CCDC148: variants seen among roughly 807,000 people sequenced by gnomAD.
CCDC148 encodes the protein coiled-coil domain containing 148, also known as coiled-coil domain-containing protein 148.
A neutral mutation model predicts 85.7 loss-of-function variants in CCDC148; 89 were observed. That is an observed-to-expected ratio of 1.04 (90% CI 0.87 to 1.24). CCDC148 has a LOEUF of 1.24. Among genes scored for constraint, CCDC148 ranks in the 50% most tolerant of loss-of-function variants. The pLI, the probability that CCDC148 is intolerant of heterozygous loss-of-function variation, is 0.00. For synonymous variants in CCDC148, 230 were observed against 213.9 expected, an observed-to-expected ratio of 1.08 and a Z score of -0.66; for missense variants, 692 against 671.7, an observed-to-expected ratio of 1.03 and a Z score of -0.33.
At chr2:158,321,434 C>T (rs1195912259) in intron 7 of CCDC148, among the ~76,000 whole-genome samples, 1 of 152,116 alleles carries the variant, frequency 6.6e-6, no homozygotes. Flanking sequence ...GGGAACTTCT[C>T]TCCTTATTAA....
At chr2:158,433,907 C>T (rs1046328344) in intron 1 of CCDC148, among the ~76,000 whole-genome samples, 8 of 152,206 alleles carry the variant, frequency 5.3e-5, no homozygotes, top group African/African-American at 9.6e-5. Flanking sequence ...AACCGCAAGG[C>T]GGCAGCGAGG....
chr2:158,302,270 G>A (rs986902862), intron 9 of CCDC148, among the ~76,000 whole-genome samples: 2 of 152,150 alleles, frequency 1.3e-5, no homozygotes, highest in Non-Finnish European at 2.9e-5. Flanking sequence ...TAAAGTAGGA[G>A]GTGGCTTGTC....
At chr2:158,376,419 CT>C (rs1684652570) in intron 1 of CCDC148, among the ~76,000 whole-genome samples, 1 of 151,950 alleles carries the variant, frequency 6.6e-6, no homozygotes, top group Admixed American at 6.6e-5. Context: ...AGTAATTTTC[CT>C]CTAAAATGTT....
chr2:158,363,867 T>C (rs1222755818), intron 1 of CCDC148, among the ~76,000 whole-genome samples: 1 of 152,178 alleles, frequency 6.6e-6, no homozygotes, highest in Admixed American at 6.5e-5. Flanking sequence ...ACACAGAAAG[T>C]TAAATTGTCT....
intron 1 of CCDC148, among the ~76,000 whole-genome samples, chr2:158,423,376 A>G (rs1355178709): frequency 6.6e-6 from 1 of 152,174 alleles, no homozygotes; most frequent in Non-Finnish European, 1.5e-5. Flanking sequence ...CTGGTACTAA[A>G]ACAGAGATAT....
chr2:158,428,218 T>A (rs1687165525), intron 1 of CCDC148, among the ~76,000 whole-genome samples: 1 of 152,148 alleles, frequency 6.6e-6, no homozygotes, highest in African/African-American at 2.4e-5. Flanking sequence ...TAGCTTAAAC[T>A]AATTCAGTGG....
intron 7 of CCDC148, among the ~76,000 whole-genome samples, chr2:158,332,665 G>C (rs1346064331): frequency 6.6e-6 from 1 of 151,676 alleles, no homozygotes; most frequent in Non-Finnish European, 1.5e-5. Flanking sequence ...TCTGGTCCTG[G>C]ACTCTTTTTG....
intron 1 of CCDC148, among the ~76,000 whole-genome samples, chr2:158,433,920 G>C (rs1325358904): frequency 6.6e-6 from 1 of 152,218 alleles, no homozygotes; most frequent in Non-Finnish European, 1.5e-5. Context: ...CAGCGAGGCT[G>C]GGGGAGGGGC....
intron 1 of CCDC148, among the ~76,000 whole-genome samples, chr2:158,413,827 G>A (rs562850687): frequency 6.6e-6 from 1 of 152,166 alleles, no homozygotes; most frequent in South Asian, 2.1e-4. Context: ...GCTGTAATTT[G>A]TTACCACTGG....
chr2:158,446,070 G>A (rs572358694), intron 1 of CCDC148, among the ~76,000 whole-genome samples: 3 of 152,258 alleles, frequency 2.0e-5, no homozygotes, highest in South Asian at 4.1e-4. Flanking sequence ...TTCCAGGGCC[G>A]GGGGCTATGG....
intron 9 of CCDC148, among the ~76,000 whole-genome samples, chr2:158,284,414 G>A (rs2105180074): frequency 6.6e-6 from 1 of 152,292 alleles, no homozygotes; most frequent in East Asian, 1.9e-4. Context: ...ACAAGATGGT[G>A]AGGAACGAAT....
intron 7 of CCDC148, among the ~76,000 whole-genome samples, chr2:158,325,120 A>C (rs1692710178): frequency 6.6e-6 from 1 of 151,926 alleles, no homozygotes; most frequent in South Asian, 2.1e-4. Context: ...ACTACATAAA[A>C]GCCTGGCCCT....
intron 10 of CCDC148, among the ~76,000 whole-genome samples, chr2:158,246,168 TC>T (rs1688561532): frequency 6.6e-6 from 1 of 152,098 alleles, no homozygotes; most frequent in African/African-American, 2.4e-5. Context: ...CTACTGCCAG[TC>T]CCTTAGGAAA....
At chr2:158,411,698 T>A (rs1686267233) in intron 1 of CCDC148, among the ~76,000 whole-genome samples, 1 of 152,154 alleles carries the variant, frequency 6.6e-6, no homozygotes, top group Non-Finnish European at 1.5e-5. Flanking sequence ...TTCTTTGGGG[T>A]CAATTACTAA....
At chr2:158,372,193 G>A (rs1313652979) in intron 1 of CCDC148, among the ~76,000 whole-genome samples, 1 of 151,946 alleles carries the variant, frequency 6.6e-6, no homozygotes. Flanking sequence ...CAAGAGAAAA[G>A]GTATAAATTA....
chr2:158,376,417 TCCTCTAAAATGTTACAC>T (rs1684652446), intron 1 of CCDC148, among the ~76,000 whole-genome samples: 1 of 152,098 alleles, frequency 6.6e-6, no homozygotes, highest in Non-Finnish European at 1.5e-5. Flanking sequence ...GGAGTAATTT[TCCTCTAAAATGTTACAC>T]AAAGGGTATT....
chr2:158,399,680 C>A (rs1685687657), intron 1 of CCDC148, among the ~76,000 whole-genome samples: 1 of 152,034 alleles, frequency 6.6e-6, no homozygotes, highest in Non-Finnish European at 1.5e-5. Context: ...ACTGAATGGG[C>A]AAAAACAGGA....
rs1409801880 is a variant in CCDC148, at chr2:158,294,821, C to CAAA, written c.1110+14609_1110+14611dup. 1.0e-4 allele frequency among the ~76,000 whole-genome samples: 3 copies of CAAA among 29,014 alleles called. 1 individual carries two copies. The highest frequency in any genetic ancestry group is 1.4e-4 in the Non-Finnish European group (2 of 14,444). The allele number at this position is 29,014 out of a possible 152,430, so 19.0% of individuals were successfully genotyped here. A position where few individuals can be genotyped will look rare whatever the true frequency, so the allele number is the denominator to read the frequency against. Reference sequence around the variant, plus strand: ...CCTGGGTGACAGAGCAAGACTCTGTCAAAAAAAAAAAACAAAAAAAAACCT... The same window carrying CAAA: ...CCTGGGTGACAGAGCAAGACTCTGTCAAAAAAAAAAAAAAACAAAAAAAAACCT... On this transcript the variant is annotated intron_variant, in intron 9 of 13. Transcript: ENST00000283233.
intron 1 of CCDC148, among the ~76,000 whole-genome samples, chr2:158,373,306 C>T (rs1389967655): frequency 2.0e-5 from 3 of 152,060 alleles, no homozygotes; most frequent in Non-Finnish European, 2.9e-5. Flanking sequence ...GCCCTGCCCA[C>T]AGCTTGCTGT....
Sources: gnomAD v4.1 joint callset for allele counts (sites outside exome capture counted in the v4.1 genomes callset) on GRCh38, gnomAD v4.1.1 for gene constraint, MANE v1.5 for transcripts, NCBI Gene and HGNC (gene_info 2026-07-23, HGNC 2026-07-21) for gene names.